The following NR6A1 variants were observed in gnomAD, a reference collection of about 807,000 sequenced individuals.
NR6A1 encodes the protein retinoic acid receptor-related testis-associated receptor.
NR6A1 carries 7 observed loss-of-function variants against 59.1 expected under a neutral mutation model. The ratio of observed to expected loss-of-function variants is 0.12; its 90% CI spans 0.07 to 0.22. NR6A1 has a LOEUF of 0.22. Among genes scored for constraint, NR6A1 ranks in the 10% least tolerant of loss-of-function variants. NR6A1 has a pLI of 1.00. For synonymous variants in NR6A1, 243 were observed against 236.1 expected, an observed-to-expected ratio of 1.03 and a Z score of -0.27; for missense variants, 468 against 611.6, an observed-to-expected ratio of 0.77 and a Z score of 2.48.
intron 1 of NR6A1, among the ~76,000 whole-genome samples, chr9:124,749,759 C>G (rs1399817723): frequency 6.6e-5 from 10 of 152,166 alleles, no homozygotes; most frequent in Admixed American, 4.6e-4. Context: ...ATACCCTGCC[C>G]CGCTAAAATC....
chr9:124,696,124 T>C (rs1838750605), intron 2 of NR6A1, among the ~76,000 whole-genome samples: 1 of 152,002 alleles, frequency 6.6e-6, no homozygotes, highest in Non-Finnish European at 1.5e-5. Flanking sequence ...ACTGAAAAGG[T>C]AAAAGGACAT....
At chr9:124,705,084 T>C (rs1008760603) in intron 2 of NR6A1, among the ~76,000 whole-genome samples, 1 of 152,252 alleles carries the variant, frequency 6.6e-6, no homozygotes, top group African/African-American at 2.4e-5. Flanking sequence ...CTTTGCTCTA[T>C]TATTTATACG....
intron 2 of NR6A1, among the ~76,000 whole-genome samples, chr9:124,651,665 G>A (rs1472932871): frequency 1.3e-5 from 2 of 152,072 alleles, no homozygotes; most frequent in Admixed American, 1.3e-4. Flanking sequence ...GTAAAAATAC[G>A]AAGTTCTACT....
chr9:124,629,822 CAT>C lies in NR6A1; in HGVS notation c.143-75254_143-75253del, dbSNP rs750618378. Among the ~76,000 whole-genome samples the C allele has an allele frequency of 3.3e-4, 51 of 152,296 alleles. 1 individual carries two copies. The highest frequency in any genetic ancestry group is 8.7e-4 in the African/African-American group (36 of 41,558). On this transcript the variant is annotated intron_variant, in intron 2 of 9. Coordinates refer to ENST00000487099, the MANE Select transcript of NR6A1 (RefSeq NM_033334.4). ...TATGCCTGCCAAGTTCTAAGTCACTCATGTGGTTTTTTTAAAATAGTCACCAG... is the reference window on the plus strand; with the variant it reads ...TATGCCTGCCAAGTTCTAAGTCACTCGTGGTTTTTTTAAAATAGTCACCAG...
At chr9:124,684,721 G>A (rs1838276345) in intron 2 of NR6A1, among the ~76,000 whole-genome samples, 1 of 152,198 alleles carries the variant, frequency 6.6e-6, no homozygotes, top group African/African-American at 2.4e-5. Context: ...AGCAGCAGCT[G>A]ATAAATGTCA....
chr9:124,727,290 G>A (rs1344821257), intron 2 of NR6A1, among the ~76,000 whole-genome samples: 1 of 152,184 alleles, frequency 6.6e-6, no homozygotes. Context: ...GTTACATTTA[G>A]GATGGCCTTA....
chr9:124,728,591 CA>C (rs1839793642), intron 2 of NR6A1, among the ~76,000 whole-genome samples: 1 of 151,810 alleles, frequency 6.6e-6, no homozygotes, highest in African/African-American at 2.4e-5. Context: ...GCCGAGATGG[CA>C]CCACTGCACT....
intron 7 of NR6A1, among the ~76,000 whole-genome samples, chr9:124,535,315 C>T (rs888478623): frequency 1.3e-5 from 2 of 152,124 alleles, no homozygotes; most frequent in African/African-American, 2.4e-5. Flanking sequence ...CAGTGGCTCA[C>T]ACCTGTAATC....
chr9:124,681,125 C>G (rs1454005503), intron 2 of NR6A1, among the ~76,000 whole-genome samples: 1 of 152,176 alleles, frequency 6.6e-6, no homozygotes, highest in Non-Finnish European at 1.5e-5. Flanking sequence ...CACTTCTGCA[C>G]AGTGGCTGCT....
intron 2 of NR6A1, among the ~76,000 whole-genome samples, chr9:124,580,372 GTGGGTT>G (rs1348629140): frequency 6.6e-6 from 1 of 152,150 alleles, no homozygotes. Context: ...TGTAGCTGCT[GTGGGTT>G]AGCAGTCAGC....
At position 124,544,515 on chromosome 9, in the gene NR6A1, G is replaced by A. The variant is rs114163646; in HGVS notation, c.386-658C>T. Among the ~76,000 whole-genome samples, 767 of 152,270 alleles carry A rather than the reference G, an allele frequency of 5.0e-3. 9 individuals are homozygous for A. The highest frequency in any genetic ancestry group is 0.017 in the African/African-American group (699 of 41,548). On this transcript the variant is annotated intron_variant, in intron 3 of 9. Transcript: ENST00000487099. ...GAAGAACCCCTGATTTGCAATTATA[G>A]TAGGACCACGGTATTAGGCAATCCT... is the stretch of plus-strand genomic sequence containing the variant.
chr9:124,522,827 T>A, intron 9 of NR6A1, 34 bp from the exon 10 acceptor site: 1 of 1,534,156 alleles, frequency 6.5e-7, no homozygotes, highest in Non-Finnish European at 8.8e-7. Flanking sequence ...GAGTTAGCAG[T>A]GGTCACTCTA....
At position 124,655,210 on chromosome 9, in the gene NR6A1, A is replaced by AT. The variant is rs1837224120; in HGVS notation, c.142+78097dup. ...GGAGCCGATGCCTGAGCTAAATTTC[A>AT]TGTTTCCAAACCCACTGATCATCAA... On this transcript the variant is annotated intron_variant, in intron 2 of 9. Coordinates refer to ENST00000487099, the MANE Select transcript of NR6A1 (RefSeq NM_033334.4). Among the ~76,000 whole-genome samples, 10 of 152,244 alleles carry AT rather than the reference A, an allele frequency of 6.6e-5. No individual in the cohort carries two copies. In the South Asian group the frequency reaches 2.1e-3, roughly 32 times the overall value.
At position 124,535,867 on chromosome 9, in the gene NR6A1, G is replaced by A. The variant is rs767420024; in HGVS notation, c.1079+11C>T. 4.0e-5 allele frequency: 64 copies of A among 1,613,334 alleles called. No homozygotes were observed. The Middle Eastern group carries it at 4.9e-4, about 12-fold the overall frequency. ...TTGTTTGGTATTTCCTCCCCAGCCA[G>A]GAGGCCTCACCTGTGTAGTTCTTCA... On this transcript the variant is annotated intron_variant, in intron 7 of 9. Transcript: ENST00000487099.
intron 1 of NR6A1, 55 bp downstream of exon 1, chr9:124,770,965 G>T: frequency 1.0e-6 from 1 of 993,688 alleles, no homozygotes; most frequent in African/African-American, 1.7e-5. Context: ...ATCCCTGGCG[G>T]AGGCTCAGGA....
At chr9:124,679,150 A>G (rs575511595) in intron 2 of NR6A1, among the ~76,000 whole-genome samples, 1 of 152,330 alleles carries the variant, frequency 6.6e-6, no homozygotes, top group East Asian at 1.9e-4. Context: ...AGGTATTTAT[A>G]GTTAGTTCCT....
Position 124,545,421 on chromosome 9 carries a change from G to T in NR6A1, c.386-1564C>A, listed in dbSNP as rs528872972. Among the ~76,000 whole-genome samples the T allele has an allele frequency of 6.0e-4, 91 of 152,320 alleles. 1 individual carries two copies. The South Asian group carries it at 0.018, about 30-fold the overall frequency. ...TTTCATCTGCTAAATGGAGGCAACA[G>T]GGTCGGTCTGCTTTATAAAAAGCTG... On this transcript the variant is annotated intron_variant, in intron 3 of 9. Coordinates refer to ENST00000487099, the MANE Select transcript of NR6A1 (RefSeq NM_033334.4).
In NR6A1 at chr9:124,727,596, T is replaced by C. The variant is rs182857245; in HGVS notation, c.142+5712A>G. 1.7e-3 allele frequency among the ~76,000 whole-genome samples: 266 copies of C among 152,370 alleles called. 1 individual carries two copies. Among genetic ancestry groups the C allele is most frequent in the African/African-American group, 6.1e-3 (254 of 41,592 alleles). On this transcript the variant is annotated intron_variant, in intron 2 of 9. Coordinates refer to ENST00000487099, the MANE Select transcript of NR6A1 (RefSeq NM_033334.4). ...AATCAGAAGTGAGAGATAGAAGTAC[T>C]TCAAATTCAGCAGGCCAGCAAGCAA...
At chr9:124,566,532 C>T (rs1834245030) in intron 2 of NR6A1, among the ~76,000 whole-genome samples, 2 of 152,160 alleles carry the variant, frequency 1.3e-5, no homozygotes, top group Non-Finnish European at 2.9e-5. Context: ...ATAGAGACAT[C>T]TTACGGAGGA....
Sources: allele counts gnomAD v4.1 joint callset (sites outside exome capture counted in the v4.1 genomes callset), GRCh38; gene constraint gnomAD v4.1.1; transcripts MANE v1.5; gene names NCBI Gene and HGNC (gene_info 2026-07-23, HGNC 2026-07-21).